The following PIP5K1B variants were observed in gnomAD, a reference collection of about 807,000 sequenced individuals.
The protein encoded by PIP5K1B is phosphatidylinositol-4-phosphate 5-kinase type 1 beta, also known as phosphatidylinositol 4-phosphate 5-kinase type-1 beta.
PIP5K1B carries 42 observed loss-of-function variants against 67.0 expected under a neutral mutation model. The observed-to-expected ratio is 0.63, with a 90% CI of 0.49 to 0.81. The LOEUF is 0.81. PIP5K1B is among the 30% of genes least tolerant of loss of function. The pLI is 0.00. For missense variants in PIP5K1B, 459 were observed against 646.3 expected (o/e 0.71, Z 3.14); for synonymous variants, 214 against 231.4 (o/e 0.92, Z 0.68).
At position 68,952,806 on chromosome 9, in the gene PIP5K1B, T is replaced by TCTGC. The variant is rs199807963; in HGVS notation, c.1502+12035_1502+12038dup. 2.9e-3 allele frequency among the ~76,000 whole-genome samples: 440 copies of TCTGC among 151,546 alleles called. 3 individuals carry two copies. The highest frequency in any genetic ancestry group is 9.4e-3 in the African/African-American group (386 of 41,136). On this transcript the variant is annotated intron_variant, in intron 14 of 15. Transcript: ENST00000265382. Reference sequence around the variant, plus strand: ...CTTTCTTTGCCTGCCTGTCTGCCTGTCTGCCTGCCTGCCTGCCTGCCTTCC... The same window carrying TCTGC: ...CTTTCTTTGCCTGCCTGTCTGCCTGTCTGCCTGCCTGCCTGCCTGCCTGCCTTCC...
At chr9:68,736,342 T>G (rs1483853723) in intron 1 of PIP5K1B, among the ~76,000 whole-genome samples, 4 of 152,230 alleles carry the variant, frequency 2.6e-5, no homozygotes, top group African/African-American at 9.6e-5. Flanking sequence ...ATATTTCACA[T>G]GTAGTAATTG....
chr9:68,773,376 A>G (rs914415323), intron 2 of PIP5K1B, among the ~76,000 whole-genome samples: 38 of 152,200 alleles, frequency 2.5e-4, no homozygotes, highest in African/African-American at 8.2e-4. Context: ...AGAAGGCACC[A>G]AGGAGGTTCC....
chr9:68,774,614 C>T (rs1206345813), intron 2 of PIP5K1B, among the ~76,000 whole-genome samples: 2 of 152,160 alleles, frequency 1.3e-5, no homozygotes, highest in Non-Finnish European at 2.9e-5. Flanking sequence ...TAAACTAGCA[C>T]ACATATCAGG....
chr9:68,917,830 T>TC, intron 9 of PIP5K1B, 71 bp downstream of exon 9: 1 of 1,125,014 alleles, frequency 8.9e-7, no homozygotes, highest in Non-Finnish European at 1.3e-6. Flanking sequence ...TTATAGACAG[T>TC]CACATTCACC....
chr9:68,780,548 G>A, intron 2 of PIP5K1B: 1 of 1,614,176 alleles, frequency 6.2e-7, no homozygotes, highest in Non-Finnish European at 8.5e-7. Flanking sequence ...ACAACGACGT[G>A]GAGAAATCCG....
At chr9:68,969,067 G>C (rs1299526873) in intron 14 of PIP5K1B, among the ~76,000 whole-genome samples, 2 of 152,158 alleles carry the variant, frequency 1.3e-5, no homozygotes, top group East Asian at 3.9e-4. Context: ...ACCCTGATGG[G>C]TTGTTAAAAC....
At chr9:68,808,083 A>G (rs1832965876) in intron 2 of PIP5K1B, among the ~76,000 whole-genome samples, 1 of 152,218 alleles carries the variant, frequency 6.6e-6, no homozygotes, top group South Asian at 2.1e-4. Context: ...CTGTAATATT[A>G]GCTACTCAGG....
At chr9:68,904,370 T>C (rs942690779) in intron 8 of PIP5K1B, among the ~76,000 whole-genome samples, 1 of 152,192 alleles carries the variant, frequency 6.6e-6, no homozygotes, top group Non-Finnish European at 1.5e-5. Flanking sequence ...AAGGGCTCAA[T>C]CCTAGTGGAG....
chr9:68,846,831 TAAG>T (rs1258543795), intron 4 of PIP5K1B, among the ~76,000 whole-genome samples: 2 of 152,186 alleles, frequency 1.3e-5, no homozygotes. Context: ...CTATGAAAAT[TAAG>T]AGGAGGAAGA....
chr9:68,867,020 G>A (rs1823391943), intron 5 of PIP5K1B, among the ~76,000 whole-genome samples: 1 of 152,166 alleles, frequency 6.6e-6, no homozygotes, highest in South Asian at 2.1e-4. Context: ...CACGTAGGAT[G>A]ACTGGACTGT....
At chr9:68,839,004 G>A (rs1031174284) in intron 4 of PIP5K1B, among the ~76,000 whole-genome samples, 1 of 150,770 alleles carries the variant, frequency 6.6e-6, no homozygotes, top group African/African-American at 2.4e-5. Flanking sequence ...TCTTCCTATG[G>A]GTCTACTGAT....
intron 14 of PIP5K1B, among the ~76,000 whole-genome samples, chr9:68,974,654 T>C (rs1044497135): frequency 1.3e-5 from 2 of 152,226 alleles, no homozygotes; most frequent in Non-Finnish European, 2.9e-5. Context: ...ATTCGTTTGG[T>C]GTCAGCCTAG....
intron 8 of PIP5K1B, among the ~76,000 whole-genome samples, chr9:68,913,117 A>G (rs1564227250): frequency 6.6e-6 from 1 of 152,252 alleles, no homozygotes; most frequent in Non-Finnish European, 1.5e-5. Flanking sequence ...GAGAGAAGGA[A>G]GAAAGAATCT....
intron 5 of PIP5K1B, among the ~76,000 whole-genome samples, chr9:68,867,726 A>G (rs892824331): frequency 1.3e-5 from 2 of 152,218 alleles, no homozygotes; most frequent in African/African-American, 2.4e-5. Flanking sequence ...CAGTCAAATA[A>G]TGCTTTCTCT....
chr9:68,753,477 C>G (rs1260875657), intron 2 of PIP5K1B, among the ~76,000 whole-genome samples: 1 of 138,316 alleles, frequency 7.2e-6, no homozygotes, highest in African/African-American at 2.7e-5. Flanking sequence ...GTAGCTGGGA[C>G]TACAGGCGTG....
intron 14 of PIP5K1B, among the ~76,000 whole-genome samples, chr9:68,958,875 T>C (rs969251319): frequency 2.6e-5 from 4 of 152,228 alleles, no homozygotes; most frequent in African/African-American, 9.6e-5. Flanking sequence ...AAGTATTTTA[T>C]GGTATTGCAA....
Position 68,940,842 on chromosome 9 carries a change from C to G in PIP5K1B, c.1502+52C>G, listed in dbSNP as rs774959632. The G allele has an allele frequency of 2.0e-6, 3 of 1,520,466 alleles. No homozygotes were observed. In the East Asian group the frequency reaches 6.8e-5, roughly 34 times the overall value. The allele number at this position is 1,520,466 out of a possible 1,614,324, so 94.2% of individuals were successfully genotyped here. The stretch of plus-strand genomic sequence containing the variant: ...CATCAGGCTGTTACCACATCAACAT[C>G]AGGCCTGAACCAGTATCTCTGAATG... On this transcript the variant is annotated intron_variant, in intron 14 of 15. Transcript: ENST00000265382.
chr9:69,008,536 C>A lies in PIP5K1B; in HGVS notation c.*87C>A. On this transcript the variant is annotated 3_prime_UTR_variant, in exon 16 of 16. Transcript: ENST00000265382. ...TTCTCCGCACCAGAATTATCCACAG[C>A]AACTTGGCTGAGCCCCACTACACAC... 7.5e-7 allele frequency: 1 copy of A among 1,340,078 alleles called. No individual in the cohort carries two copies. Among genetic ancestry groups the A allele is most frequent in the Non-Finnish European group, 1.1e-6 (1 of 930,810 alleles). 83.0% of individuals were successfully genotyped at this position (1,340,078 alleles called of 1,614,324 possible).
chr9:68,881,111 G>C (rs1824180246), intron 6 of PIP5K1B, among the ~76,000 whole-genome samples: 1 of 152,202 alleles, frequency 6.6e-6, no homozygotes, highest in Admixed American at 6.5e-5. Context: ...GGTGGGGGCA[G>C]AGCCTAGACC....
Sources: allele counts gnomAD v4.1 joint callset (sites outside exome capture counted in the v4.1 genomes callset), GRCh38; gene constraint gnomAD v4.1.1; transcripts MANE v1.5; gene names NCBI Gene and HGNC (gene_info 2026-07-23, HGNC 2026-07-21).